CAPZB: variants seen among roughly 807,000 people sequenced by gnomAD.
CAPZB encodes the protein capping actin protein of muscle Z-line subunit beta.
In CAPZB, 2 loss-of-function variants were observed where a neutral mutation model predicts 38.1. That is an observed-to-expected ratio of 0.05 (90% CI 0.02 to 0.17). The LOEUF is 0.17. Among genes scored for constraint, CAPZB ranks in the 10% least tolerant of loss-of-function variants. CAPZB has a pLI of 1.00. For synonymous variants in CAPZB, 107 were observed against 127.4 expected (o/e 0.84, Z 1.08); for missense variants, 161 against 334.2 (o/e 0.48, Z 4.04).
intron 1 of CAPZB, among the ~76,000 whole-genome samples, chr1:19,447,548 T>G (rs1247641618): frequency 6.6e-6 from 1 of 152,228 alleles, no homozygotes; most frequent in Admixed American, 6.5e-5. Context: ...ACCTAATCTT[T>G]GAGGGAACTC....
intron 2 of CAPZB, among the ~76,000 whole-genome samples, chr1:19,404,218 C>T (rs185247335): frequency 2.6e-5 from 3 of 114,898 alleles, no homozygotes; most frequent in Non-Finnish European, 5.0e-5. Flanking sequence ...GGGAGACAGA[C>T]TGAGACTCCA....
intron 1 of CAPZB, among the ~76,000 whole-genome samples, chr1:19,426,195 A>C (rs1402472804): frequency 6.6e-6 from 1 of 152,124 alleles, no homozygotes; most frequent in Non-Finnish European, 1.5e-5. Context: ...TCAGAATCTC[A>C]CTTCTCCCCG....
At chr1:19,341,524 T>C (rs908113784) in intron 8 of CAPZB, among the ~76,000 whole-genome samples, 2 of 152,126 alleles carry the variant, frequency 1.3e-5, no homozygotes, top group African/African-American at 4.8e-5. Flanking sequence ...AGGGGGCTTA[T>C]TTAAGGGACA....
At chr1:19,410,619 C>T (rs1054214516) in intron 2 of CAPZB, among the ~76,000 whole-genome samples, 1 of 151,792 alleles carries the variant, frequency 6.6e-6, no homozygotes. Flanking sequence ...GGAGGAACAT[C>T]GCCTGCCCAG....
rs367713926 is a variant in CAPZB, at chr1:19,455,977, G to A, written c.3+29459C>T. On this transcript the variant is annotated intron_variant, in intron 1 of 8. Transcript: ENST00000264202. The stretch of plus-strand genomic sequence containing the variant: ...TGCCCAGGGTGGAGTGCAGTGGCAC[G>A]ATCTCAGCTCTGCAACCTCTGCCTC... 3.3e-5 allele frequency among the ~76,000 whole-genome samples: 5 copies of A among 152,156 alleles called. No homozygotes were observed. The South Asian group carries it at 6.2e-4, about 19-fold the overall frequency.
intron 1 of CAPZB, chr1:19,448,988 T>C (rs2094505647): frequency 2.5e-6 from 4 of 1,594,482 alleles, no homozygotes; most frequent in Admixed American, 1.7e-5. Context: ...AGTGGAAACA[T>C]GACGTGACTA....
intron 8 of CAPZB, chr1:19,342,967 G>A (rs961418523): frequency 6.6e-6 from 5 of 753,618 alleles, no homozygotes; most frequent in South Asian, 1.4e-5. Context: ...GGAGACCCAC[G>A]AGGCGGAAGG....
At chr1:19,449,847 G>A (rs560243738) in intron 1 of CAPZB, among the ~76,000 whole-genome samples, 3 of 150,688 alleles carry the variant, frequency 2.0e-5, no homozygotes, top group African/African-American at 4.9e-5. Context: ...GAAAGAGAAA[G>A]AAAAAAATAT....
intron 1 of CAPZB, among the ~76,000 whole-genome samples, chr1:19,482,069 G>T (rs1193027323): frequency 2.6e-5 from 4 of 152,240 alleles, no homozygotes; most frequent in Middle Eastern, 3.2e-3. Flanking sequence ...GGGAGGGCAG[G>T]CTTCTAACGG....
intron 1 of CAPZB, among the ~76,000 whole-genome samples, chr1:19,462,868 A>G (rs2094556641): frequency 6.6e-6 from 1 of 152,226 alleles, no homozygotes; most frequent in African/African-American, 2.4e-5. Context: ...TCAGTCCACT[A>G]AAATGAAATA....
chr1:19,385,786 T>C (rs1198821384), intron 2 of CAPZB, 160 bp from the exon 3 acceptor site: 1 of 825,726 alleles, frequency 1.2e-6, no homozygotes, highest in East Asian at 2.4e-5. Context: ...TCCACATGTG[T>C]CTGACACCAA....
chr1:19,471,785 T>A (rs904115230), intron 1 of CAPZB, among the ~76,000 whole-genome samples: 3 of 143,694 alleles, frequency 2.1e-5, no homozygotes, highest in African/African-American at 5.2e-5. Flanking sequence ...GAGAATGGCG[T>A]GAACCAGGAG....
intron 2 of CAPZB, 166 bp from the exon 3 acceptor site, chr1:19,385,792 A>G (rs1266929430): frequency 1.2e-6 from 1 of 806,914 alleles, no homozygotes; most frequent in Non-Finnish European, 2.2e-6. Context: ...TGTGTCTGAC[A>G]CCAACTGTGT....
At chr1:19,467,668 G>A (rs2094573332) in intron 1 of CAPZB, among the ~76,000 whole-genome samples, 1 of 152,194 alleles carries the variant, frequency 6.6e-6, no homozygotes, top group Admixed American at 6.5e-5. Context: ...TCTTGCCTGA[G>A]TGATTCAGGT....
At chr1:19,380,428 C>T (rs933880507) in intron 3 of CAPZB, among the ~76,000 whole-genome samples, 3 of 152,338 alleles carry the variant, frequency 2.0e-5, no homozygotes, top group Non-Finnish European at 2.9e-5. Context: ...ACTGGGCCAT[C>T]GCACACCATG....
chr1:19,414,430 C>T (rs2094370623), intron 2 of CAPZB, among the ~76,000 whole-genome samples: 1 of 152,172 alleles, frequency 6.6e-6, no homozygotes, highest in Non-Finnish European at 1.5e-5. Context: ...CCTCACTGGC[C>T]TGGATACTTT....
intron 1 of CAPZB, among the ~76,000 whole-genome samples, chr1:19,450,973 T>G (rs2094514118): frequency 6.6e-6 from 1 of 152,228 alleles, no homozygotes; most frequent in Non-Finnish European, 1.5e-5. Context: ...TCTCTGCTAT[T>G]ACATGACTCA....
intron 2 of CAPZB, among the ~76,000 whole-genome samples, chr1:19,398,106 G>A (rs957350353): frequency 6.6e-6 from 1 of 152,138 alleles, no homozygotes. Context: ...CAATGGCAAC[G>A]CAGGGGATAC....
intron 1 of CAPZB, among the ~76,000 whole-genome samples, chr1:19,438,091 AG>A (rs369711488): frequency 1.2e-4 from 19 of 152,130 alleles, no homozygotes; most frequent in African/African-American, 3.6e-4. Flanking sequence ...CTCCTACGTC[AG>A]GGGAGGGGAC....
Sources: allele counts gnomAD v4.1 joint callset (sites outside exome capture counted in the v4.1 genomes callset), GRCh38; gene constraint gnomAD v4.1.1; transcripts MANE v1.5; gene names NCBI Gene and HGNC (gene_info 2026-07-23, HGNC 2026-07-21).